Variants in NEO1 observed in about 807,000 individuals in gnomAD.
NEO1 encodes neogenin.
In NEO1, 63 loss-of-function variants were observed where a neutral mutation model predicts 159.7. The ratio of observed to expected loss-of-function variants is 0.39; its 90% CI spans 0.32 to 0.49. NEO1 has a LOEUF of 0.49. NEO1 is among the 20% of genes least tolerant of loss of function. The pLI is 0.85. For missense variants in NEO1, 1,615 were observed against 1,831.0 expected (o/e 0.88, Z 2.15); for synonymous variants, 633 against 662.0 (o/e 0.96, Z 0.67).
intron 7 of NEO1, among the ~76,000 whole-genome samples, chr15:73,210,878 T>C (rs2037517512): frequency 6.6e-6 from 1 of 152,230 alleles, no homozygotes; most frequent in Non-Finnish European, 1.5e-5. Context: ...TTTAAGATTC[T>C]CCATATCCCC....
intron 13 of NEO1, among the ~76,000 whole-genome samples, chr15:73,258,488 C>A (rs192480160): frequency 1.4e-4 from 22 of 152,152 alleles, no homozygotes; most frequent in Non-Finnish European, 7.4e-5. Flanking sequence ...CTCTGAGGTG[C>A]CTTCAAGCTC....
chr15:73,242,814 A>C (rs1365149447), intron 8 of NEO1, among the ~76,000 whole-genome samples: 1 of 152,232 alleles, frequency 6.6e-6, no homozygotes, highest in Non-Finnish European at 1.5e-5. Context: ...TTGTCTCAGG[A>C]GTAGCAGAGG....
intron 23 of NEO1, among the ~76,000 whole-genome samples, chr15:73,284,259 T>C (rs866723670): frequency 6.6e-6 from 1 of 152,160 alleles, no homozygotes; most frequent in African/African-American, 2.4e-5. Flanking sequence ...GATCATAAGA[T>C]GGGGGTGTTG....
intron 4 of NEO1, among the ~76,000 whole-genome samples, chr15:73,126,872 GCCT>G (rs1176870443): frequency 6.6e-6 from 1 of 152,136 alleles, no homozygotes; most frequent in Non-Finnish European, 1.5e-5. Flanking sequence ...GTCCTGAGTA[GCCT>G]GAGTCTTCTC....
chr15:73,300,465 C>G (rs527405718), intron 27 of NEO1, among the ~76,000 whole-genome samples: 9 of 152,340 alleles, frequency 5.9e-5, no homozygotes, highest in Admixed American at 2.0e-4. Context: ...CGCGGTGGCT[C>G]ACGCTTGTAA....
chr15:73,140,972 C>T (rs372844172), intron 5 of NEO1, among the ~76,000 whole-genome samples: 6 of 152,034 alleles, frequency 3.9e-5, no homozygotes, highest in African/African-American at 1.2e-4. Context: ...GAATCGTTAC[C>T]GAATGTTGCA....
chr15:73,164,019 A>ATTT lies in NEO1; in HGVS notation c.1016-12372_1016-12370dup, dbSNP rs57049110. 9.3e-3 allele frequency among the ~76,000 whole-genome samples: 1,155 copies of ATTT among 123,670 alleles called. 11 individuals carry two copies. The highest frequency in any genetic ancestry group is 0.03 in the African/African-American group (1,094 of 36,678). The allele number at this position is 123,670 out of a possible 152,430, so 81.1% of individuals were successfully genotyped here. On this transcript the variant is annotated intron_variant, in intron 5 of 28. Coordinates refer to ENST00000261908, the MANE Select transcript of NEO1 (RefSeq NM_002499.4). ...TATTTGTATTTTGTTTCTTTTTCTTATTTTTTTTTTTTTTCTTATTTTTTT... is the reference window on the plus strand; with the variant it reads ...TATTTGTATTTTGTTTCTTTTTCTTATTTTTTTTTTTTTTTTTCTTATTTTTTT...
intron 7 of NEO1, among the ~76,000 whole-genome samples, chr15:73,186,124 T>TAC (rs1443817652): frequency 4.6e-5 from 7 of 151,370 alleles, no homozygotes; most frequent in Admixed American, 4.6e-4. Flanking sequence ...AAAGACACAT[T>TAC]ACATACAGAG....
At position 73,208,847 on chromosome 15, in the gene NEO1, G is replaced by GT. The variant is rs530635069; in HGVS notation, c.1292-27499dup. On this transcript the variant is annotated intron_variant, in intron 7 of 28. Transcript: ENST00000261908. ...ACTGCACTCCAGCCTGGGTGAAAGAGTGAGACCCTGTCTCAAAATTAAAAT... is the reference window on the plus strand; with the variant it reads ...ACTGCACTCCAGCCTGGGTGAAAGAGTTGAGACCCTGTCTCAAAATTAAAAT... Among the ~76,000 whole-genome samples, 1,040 of 152,282 alleles carry GT rather than the reference G, an allele frequency of 6.8e-3. 5 individuals carry two copies. The highest frequency in any genetic ancestry group is 0.021 in the South Asian group (99 of 4,822).
intron 1 of NEO1, among the ~76,000 whole-genome samples, chr15:73,093,981 A>G (rs891662310): frequency 1.3e-5 from 2 of 152,092 alleles, no homozygotes; most frequent in African/African-American, 4.8e-5. Context: ...GGGCACTACA[A>G]CATGCTCCAG....
At chr15:73,155,637 T>C (rs2033720144) in intron 5 of NEO1, among the ~76,000 whole-genome samples, 1 of 152,224 alleles carries the variant, frequency 6.6e-6, no homozygotes. Context: ...CACAAACATC[T>C]TGAAGTCTTT....
At chr15:73,158,502 A>G (rs376553678) in intron 5 of NEO1, among the ~76,000 whole-genome samples, 56 of 151,750 alleles carry the variant, frequency 3.7e-4, no homozygotes, top group East Asian at 1.2e-3. Context: ...GGCTCAAGCA[A>G]TCCTCCTGCT....
intron 10 of NEO1, 132 bp downstream of exon 10, chr15:73,249,340 T>C (rs2039956218): frequency 9.0e-7 from 1 of 1,108,062 alleles, no homozygotes; most frequent in East Asian, 2.6e-5. Flanking sequence ...AGTTGACAGA[T>C]TCTATTTCTT....
chr15:73,126,232 T>C (rs1292060542), intron 3 of NEO1, among the ~76,000 whole-genome samples, 185 bp from the exon 4 acceptor site: 33 of 152,058 alleles, frequency 2.2e-4, no homozygotes, highest in Non-Finnish European at 4.4e-5. Flanking sequence ...AGTAAAGTGC[T>C]TTGTCGTGTG....
intron 4 of NEO1, chr15:73,126,773 A>G (rs1463849400): frequency 4.0e-6 from 2 of 495,690 alleles, no homozygotes; most frequent in Non-Finnish European, 3.4e-6. Flanking sequence ...ATATTAAGAG[A>G]TAATTATTCC....
chr15:73,064,151 C>G (rs1345374755), intron 1 of NEO1, among the ~76,000 whole-genome samples: 4 of 152,130 alleles, frequency 2.6e-5, no homozygotes, highest in Non-Finnish European at 5.9e-5. Flanking sequence ...CAGAGTCAGC[C>G]TTGTTAGTAA....
chr15:73,254,141 G>A (rs2040222559), intron 12 of NEO1, among the ~76,000 whole-genome samples: 1 of 152,056 alleles, frequency 6.6e-6, no homozygotes. Flanking sequence ...AGTGAGCCAT[G>A]ATTATGCTAC....
At chr15:73,069,343 G>C (rs1412065207) in intron 1 of NEO1, among the ~76,000 whole-genome samples, 2 of 151,862 alleles carry the variant, frequency 1.3e-5, no homozygotes, top group African/African-American at 4.8e-5. Flanking sequence ...TGGGAGCACA[G>C]ATGTCAGCAC....
rs2071244271 is a variant in NEO1, at chr15:73,115,287, C to G, written c.131-1253C>G. Among the ~76,000 whole-genome samples, 4 of 152,144 alleles carry G rather than the reference C, an allele frequency of 2.6e-5. No homozygotes were observed. The South Asian group carries it at 6.2e-4, about 24-fold the overall frequency. On this transcript the variant is annotated intron_variant, in intron 1 of 28. Transcript: ENST00000261908. Reference sequence around the variant, plus strand: ...CGAACTGCTGACCTCATGATCCACCCACCTTGGCCTCCCAAAGTGCTGGGA... The same window carrying G: ...CGAACTGCTGACCTCATGATCCACCGACCTTGGCCTCCCAAAGTGCTGGGA...
Sources: gnomAD v4.1 joint callset for allele counts (sites outside exome capture counted in the v4.1 genomes callset) on GRCh38, gnomAD v4.1.1 for gene constraint, MANE v1.5 for transcripts, NCBI Gene and HGNC (gene_info 2026-07-23, HGNC 2026-07-21) for gene names.